PTPRD: variants seen among roughly 807,000 people sequenced by gnomAD.
The protein encoded by PTPRD is receptor-type tyrosine-protein phosphatase delta.
In PTPRD, 34 loss-of-function variants were observed where a neutral mutation model predicts 214.5. That is an observed-to-expected ratio of 0.16 (90% CI 0.12 to 0.21). The LOEUF (loss-of-function observed/expected upper bound fraction) is 0.21. Among genes scored for constraint, PTPRD ranks in the 10% least tolerant of loss-of-function variants. The probability of loss-of-function intolerance (pLI) is 1.00; values close to 1 mark genes in which losing one functional copy is unlikely to be tolerated. For missense variants in PTPRD, 2,545 were observed against 2,398.7 expected (o/e 1.06, Z -1.27); for synonymous variants, 1,128 against 845.7 (o/e 1.33, Z -5.79).
intron 34 of PTPRD, among the ~76,000 whole-genome samples, chr9:8,443,657 A>G (rs2095623397): frequency 6.6e-6 from 1 of 152,146 alleles, no homozygotes; most frequent in Non-Finnish European, 1.5e-5. Context: ...TAAACACTAT[A>G]GTTTTGGTTT....
At chr9:9,519,049 G>A (rs900709380) in intron 8 of PTPRD, among the ~76,000 whole-genome samples, 7 of 151,660 alleles carry the variant, frequency 4.6e-5, no homozygotes, top group Non-Finnish European at 1.0e-4. Context: ...GATATAAATA[G>A]ACCAAAAACA....
At chr9:10,366,408 A>G (rs559108138) in intron 2 of PTPRD, among the ~76,000 whole-genome samples, 36 of 152,296 alleles carry the variant, frequency 2.4e-4, no homozygotes, top group African/African-American at 8.4e-4. Context: ...CATTTGCACT[A>G]TAACTCACAT....
intron 12 of PTPRD, among the ~76,000 whole-genome samples, chr9:8,720,945 C>T (rs754277698): frequency 6.6e-6 from 1 of 152,088 alleles, no homozygotes; most frequent in Non-Finnish European, 1.5e-5. Flanking sequence ...TCTGCCTCTT[C>T]TCTGGACAGG....
intron 11 of PTPRD, among the ~76,000 whole-genome samples, chr9:8,938,220 G>A (rs146303490): frequency 0.014 from 2,162 of 152,068 alleles, 24 homozygotes; most frequent in Middle Eastern, 0.027. Context: ...TTATCTATAG[G>A]AGTTGGCAAT....
chr9:8,540,155 A>T (rs1474537867), intron 14 of PTPRD, among the ~76,000 whole-genome samples: 1 of 152,124 alleles, frequency 6.6e-6, no homozygotes, highest in Non-Finnish European at 1.5e-5. Context: ...TCAAAATTTT[A>T]AATTATATAG....
At chr9:9,484,430 C>T (rs2095542380) in intron 8 of PTPRD, among the ~76,000 whole-genome samples, 1 of 152,056 alleles carries the variant, frequency 6.6e-6, no homozygotes, top group South Asian at 2.1e-4. Context: ...ACATAACTTC[C>T]TGGGCATATG....
intron 14 of PTPRD, among the ~76,000 whole-genome samples, chr9:8,610,176 C>G (rs1479538102): frequency 6.6e-6 from 1 of 152,086 alleles, no homozygotes; most frequent in Non-Finnish European, 1.5e-5. Flanking sequence ...TGTTGTTGTG[C>G]AAACACTGCT....
At chr9:9,363,279 C>G (rs1320397273) in intron 9 of PTPRD, among the ~76,000 whole-genome samples, 1 of 150,960 alleles carries the variant, frequency 6.6e-6, no homozygotes, top group Non-Finnish European at 1.5e-5. Context: ...CTCTCAGAAT[C>G]ATAACAAGTC....
intron 11 of PTPRD, among the ~76,000 whole-genome samples, chr9:8,763,665 T>C (rs1479493935): frequency 6.6e-6 from 1 of 151,462 alleles, no homozygotes; most frequent in Non-Finnish European, 1.5e-5. Context: ...GAAAGTGATG[T>C]TCCCTAAAAC....
intron 10 of PTPRD, among the ~76,000 whole-genome samples, chr9:9,131,426 T>C (rs1049692857): frequency 6.6e-6 from 1 of 152,178 alleles, no homozygotes; most frequent in Non-Finnish European, 1.5e-5. Context: ...GTCAGAAATA[T>C]TGTTTATAAA....
At chr9:10,579,384 G>C (rs1225700680) in intron 2 of PTPRD, among the ~76,000 whole-genome samples, 3 of 152,262 alleles carry the variant, frequency 2.0e-5, no homozygotes, top group Non-Finnish European at 2.9e-5. Context: ...TCCTGTTCCT[G>C]TGTTAATTCA....
chr9:8,797,580 TC>T (rs1159622928), intron 11 of PTPRD, among the ~76,000 whole-genome samples: 3 of 152,190 alleles, frequency 2.0e-5, no homozygotes, highest in Non-Finnish European at 4.4e-5. Context: ...TTATCAAACA[TC>T]CCACTATCCA....
intron 14 of PTPRD, among the ~76,000 whole-genome samples, chr9:8,541,206 G>C (rs1046879561): frequency 3.9e-5 from 6 of 152,100 alleles, no homozygotes; most frequent in Non-Finnish European, 8.8e-5. Flanking sequence ...TTTAACACCA[G>C]AGAATAACCA....
intron 8 of PTPRD, among the ~76,000 whole-genome samples, chr9:9,520,685 G>T (rs967417248): frequency 6.6e-6 from 1 of 152,134 alleles, no homozygotes; most frequent in Non-Finnish European, 1.5e-5. Context: ...AAAGTAATTG[G>T]CAGCTGGAGA....
intron 2 of PTPRD, among the ~76,000 whole-genome samples, chr9:10,488,667 C>T (rs1566457121): frequency 6.6e-6 from 1 of 152,140 alleles, no homozygotes; most frequent in East Asian, 1.9e-4. Context: ...GCACTCAAAC[C>T]ATGAGACTCA....
At chr9:9,578,496 A>G (rs948137922) in intron 7 of PTPRD, among the ~76,000 whole-genome samples, 6 of 152,056 alleles carry the variant, frequency 3.9e-5, no homozygotes, top group African/African-American at 1.4e-4. Context: ...GAGGGAGAGG[A>G]AATTGAATAA....
At chr9:10,303,042 A>G (rs628731) in intron 3 of PTPRD, among the ~76,000 whole-genome samples, 48,702 of 152,022 alleles carry the variant, frequency 0.32, 9,465 homozygotes, top group African/African-American at 0.54. Flanking sequence ...GCAAAACAAT[A>G]GCAATCATAA....
chr9:8,610,849 T>C (rs2095422289), intron 14 of PTPRD, among the ~76,000 whole-genome samples: 1 of 152,226 alleles, frequency 6.6e-6, no homozygotes, highest in African/African-American at 2.4e-5. Flanking sequence ...GGACGTGATC[T>C]GGTTTAGATG....
At chr9:9,778,529 G>C (rs1410902132) in intron 5 of PTPRD, among the ~76,000 whole-genome samples, 3 of 152,140 alleles carry the variant, frequency 2.0e-5, no homozygotes, top group African/African-American at 7.2e-5. Context: ...GTCAGGAGAG[G>C]GCAAGACTGG....
Sources: gnomAD v4.1 joint callset for allele counts (sites outside exome capture counted in the v4.1 genomes callset) on GRCh38, gnomAD v4.1.1 for gene constraint, MANE v1.5 for transcripts, NCBI Gene and HGNC (gene_info 2026-07-23, HGNC 2026-07-21) for gene names.